CCSER1: variants seen among roughly 807,000 people sequenced by gnomAD.
The protein encoded by CCSER1 is serine-rich coiled-coil domain-containing protein 1.
In CCSER1, 41 loss-of-function variants were observed where a neutral mutation model predicts 82.0. That is an observed-to-expected ratio of 0.50 (90% CI 0.39 to 0.65). CCSER1 has a LOEUF of 0.65. Among genes scored for constraint, CCSER1 ranks in the 30% least tolerant of loss-of-function variants. The pLI is 0.00. For missense variants in CCSER1, 1,119 were observed against 1,064.2 expected, an observed-to-expected ratio of 1.05 and a Z score of -0.72; for synonymous variants, 414 against 383.9, an observed-to-expected ratio of 1.08 and a Z score of -0.92.
intron 10 of CCSER1, among the ~76,000 whole-genome samples, chr4:91,279,434 TTTTA>T (rs1239913362): frequency 6.6e-6 from 1 of 151,994 alleles, no homozygotes; most frequent in Non-Finnish European, 1.5e-5. Context: ...GTTCATTTAT[TTTTA>T]TTTTTTTTCC....
chr4:91,548,699 G>T (rs952559141), intron 10 of CCSER1, among the ~76,000 whole-genome samples: 4 of 151,940 alleles, frequency 2.6e-5, no homozygotes, highest in African/African-American at 9.7e-5. Flanking sequence ...ATCTGGCATG[G>T]TTTCTGTGGA....
At chr4:91,454,194 G>C (rs1756019008) in intron 10 of CCSER1, among the ~76,000 whole-genome samples, 1 of 152,034 alleles carries the variant, frequency 6.6e-6, no homozygotes, top group Admixed American at 6.6e-5. Context: ...TTCTCTTACA[G>C]TTCTGGAAAT....
chr4:91,400,114 A>G (rs1437685992), intron 10 of CCSER1, among the ~76,000 whole-genome samples: 1 of 152,006 alleles, frequency 6.6e-6, no homozygotes. Context: ...CTAAGACGCA[A>G]ATGTGCAGTT....
chr4:91,246,930 A>G (rs1157058117), intron 10 of CCSER1, among the ~76,000 whole-genome samples: 1 of 152,102 alleles, frequency 6.6e-6, no homozygotes, highest in Non-Finnish European at 1.5e-5. Flanking sequence ...CAATAATTAC[A>G]TATCTCTCAG....
intron 6 of CCSER1, among the ~76,000 whole-genome samples, 172 bp downstream of exon 6, chr4:90,628,404 G>T (rs536159856): frequency 7.2e-4 from 110 of 152,192 alleles, no homozygotes; most frequent in African/African-American, 2.3e-3. Flanking sequence ...TGAAGTTCTG[G>T]TTTATAAGGT....
intron 5 of CCSER1, among the ~76,000 whole-genome samples, chr4:90,566,462 C>A (rs1025760343): frequency 1.3e-5 from 2 of 151,394 alleles, no homozygotes; most frequent in African/African-American, 4.9e-5. Context: ...GCCATCAGTT[C>A]CTGGGCTTTT....
intron 10 of CCSER1, among the ~76,000 whole-genome samples, chr4:91,537,783 A>G (rs1451304163): frequency 1.3e-5 from 2 of 151,550 alleles, no homozygotes; most frequent in Non-Finnish European, 2.9e-5. Flanking sequence ...CCTATATGGG[A>G]GTACAGAGTA....
At chr4:91,090,116 C>T (rs910297303) in intron 10 of CCSER1, among the ~76,000 whole-genome samples, 1 of 152,158 alleles carries the variant, frequency 6.6e-6, no homozygotes, top group Non-Finnish European at 1.5e-5. Context: ...GGTGGGTCCA[C>T]AGTATTGTAT....
intron 8 of CCSER1, among the ~76,000 whole-genome samples, chr4:90,878,240 A>G (rs1720665397): frequency 1.3e-5 from 2 of 152,008 alleles, no homozygotes. Context: ...ACACACCAAA[A>G]TCCTACTCCA....
At chr4:90,389,385 T>C (rs1750604895) in intron 3 of CCSER1, among the ~76,000 whole-genome samples, 1 of 152,176 alleles carries the variant, frequency 6.6e-6, no homozygotes, top group Non-Finnish European at 1.5e-5. Context: ...CTGTATTACA[T>C]ATGAGTGCTT....
At chr4:90,875,279 T>C (rs972259702) in intron 8 of CCSER1, among the ~76,000 whole-genome samples, 2 of 152,150 alleles carry the variant, frequency 1.3e-5, no homozygotes, top group African/African-American at 4.8e-5. Flanking sequence ...GGCTATTAAA[T>C]GCCTTCACTT....
chr4:90,616,732 CACACACAAAT>C (rs1399202220), intron 5 of CCSER1, among the ~76,000 whole-genome samples: 8 of 75,930 alleles, frequency 1.1e-4, no homozygotes, highest in Non-Finnish European at 1.1e-4. Context: ...CACACACACA[CACACACAAAT>C]AAAATAAAAT....
chr4:91,461,909 C>G (rs912039048), intron 10 of CCSER1, among the ~76,000 whole-genome samples: 3 of 152,090 alleles, frequency 2.0e-5, no homozygotes, highest in Non-Finnish European at 2.9e-5. Flanking sequence ...TGGAATAAAC[C>G]AAGTGAGAAG....
At chr4:90,934,584 G>A (rs754565428) in intron 9 of CCSER1, among the ~76,000 whole-genome samples, 2 of 152,256 alleles carry the variant, frequency 1.3e-5, no homozygotes, top group Admixed American at 6.5e-5. Flanking sequence ...CAAATGGGCA[G>A]TATTCTACAA....
At chr4:90,256,980 A>G (rs1405483509) in intron 1 of CCSER1, among the ~76,000 whole-genome samples, 1 of 152,054 alleles carries the variant, frequency 6.6e-6, no homozygotes, top group African/African-American at 2.4e-5. Flanking sequence ...GTATAAGAAA[A>G]TACATAGTAT....
intron 4 of CCSER1, among the ~76,000 whole-genome samples, chr4:90,436,130 A>C (rs764407499): frequency 1.1e-4 from 17 of 152,162 alleles, no homozygotes; most frequent in Non-Finnish European, 2.5e-4. Context: ...GAATTAAAGC[A>C]CATAACAGAA....
intron 10 of CCSER1, among the ~76,000 whole-genome samples, chr4:91,382,792 C>T (rs529859657): frequency 1.5e-4 from 23 of 152,214 alleles, no homozygotes; most frequent in African/African-American, 2.6e-4. Context: ...CCGTCTTCTG[C>T]GTCGCTCATG....
chr4:90,904,944 T>G (rs1206596614), intron 8 of CCSER1, among the ~76,000 whole-genome samples: 1 of 152,120 alleles, frequency 6.6e-6, no homozygotes, highest in Non-Finnish European at 1.5e-5. Context: ...CTGCTTCTCC[T>G]GAAGTGTTTC....
intron 10 of CCSER1, among the ~76,000 whole-genome samples, chr4:91,314,089 A>T (rs1256118558): frequency 6.6e-6 from 1 of 151,940 alleles, no homozygotes; most frequent in African/African-American, 2.4e-5. Flanking sequence ...TCTCTTTCCT[A>T]TTCCATAAAT....
Sources: gnomAD v4.1 joint callset for allele counts (sites outside exome capture counted in the v4.1 genomes callset) on GRCh38, gnomAD v4.1.1 for gene constraint, MANE v1.5 for transcripts, NCBI Gene and HGNC (gene_info 2026-07-23, HGNC 2026-07-21) for gene names.